Variants in RIMS2 observed in about 807,000 individuals in gnomAD.
The protein encoded by RIMS2 is regulating synaptic membrane exocytosis 2, also known as regulating synaptic membrane exocytosis protein 2.
Under a neutral mutation model 174.4 loss-of-function variants are expected in RIMS2, and 59 were observed. The observed-to-expected ratio is 0.34, with a 90% confidence interval of 0.27 to 0.42. The LOEUF is 0.42. RIMS2 is among the 10% of genes least tolerant of loss of function. The probability of loss-of-function intolerance (pLI) is 1.00; values close to 1 mark genes in which losing one functional copy is unlikely to be tolerated. For synonymous variants in RIMS2, 606 were observed against 572.5 expected (o/e 1.06, Z -0.84); for missense variants, 1,620 against 1,666.3 (o/e 0.97, Z 0.48).
chr8:103,831,657 G>A lies in RIMS2; in HGVS notation c.699-53641G>A, dbSNP rs540957955. On this transcript the variant is annotated intron_variant, in intron 3 of 23. Coordinates refer to ENST00000504942, the Ensembl canonical transcript of RIMS2. ...TTAATAGTATTAACTACCATTTTGGGGGCATCTATTCTGGGCTTTGTCCTT... is the reference window on the plus strand; with the variant it reads ...TTAATAGTATTAACTACCATTTTGGAGGCATCTATTCTGGGCTTTGTCCTT... Among the ~76,000 whole-genome samples the A allele has an allele frequency of 5.9e-5, 9 of 152,144 alleles. No homozygotes were observed. The South Asian group carries it at 1.0e-3, about 18-fold the overall frequency.
At chr8:103,533,661 C>CAAAA (rs34355378) in intron 1 of RIMS2, among the ~76,000 whole-genome samples, 12 of 65,930 alleles carry the variant, frequency 1.8e-4, no homozygotes, top group Middle Eastern at 8.5e-3. Flanking sequence ...GACCCTGTCT[C>CAAAA]AAAAAAAAAA....
At chr8:103,711,753 T>C (rs953064738) in intron 2 of RIMS2, among the ~76,000 whole-genome samples, 3 of 152,008 alleles carry the variant, frequency 2.0e-5, no homozygotes, top group East Asian at 1.9e-4. Flanking sequence ...AAAAATTAGC[T>C]AGGCGTGGTG....
intron 1 of RIMS2, among the ~76,000 whole-genome samples, chr8:103,585,678 T>C (rs532464761): frequency 6.7e-6 from 1 of 149,984 alleles, no homozygotes. Flanking sequence ...AGTTGAACAA[T>C]GAAAATGCAT....
chr8:104,014,850 G>A (rs945099944), intron 19 of RIMS2, among the ~76,000 whole-genome samples: 9 of 152,020 alleles, frequency 5.9e-5, no homozygotes, highest in African/African-American at 1.9e-4. Flanking sequence ...TTGAATAAAT[G>A]CATCTTAAAA....
intron 19 of RIMS2, among the ~76,000 whole-genome samples, chr8:104,169,003 G>A (rs186234625): frequency 5.7e-4 from 86 of 151,942 alleles, no homozygotes; most frequent in African/African-American, 2.0e-3. Flanking sequence ...AAACCCACTC[G>A]ATCGTAGTGT....
At chr8:104,100,858 A>AC (rs2097861801) in intron 19 of RIMS2, among the ~76,000 whole-genome samples, 2 of 140,610 alleles carry the variant, frequency 1.4e-5, no homozygotes, top group South Asian at 2.1e-4. Flanking sequence ...TTATATATGT[A>AC]ATATATATTA....
chr8:104,004,511 AG>A (rs75762272), intron 17 of RIMS2, among the ~76,000 whole-genome samples: 26,473 of 152,028 alleles, frequency 0.17, 2,910 homozygotes, highest in Non-Finnish European at 0.25. Context: ...AAGGATGGTG[AG>A]GGGGGAAAAA....
At chr8:103,755,587 T>G (rs1564521645) in intron 2 of RIMS2, among the ~76,000 whole-genome samples, 1 of 152,212 alleles carries the variant, frequency 6.6e-6, no homozygotes, top group South Asian at 2.1e-4. Context: ...AGATTTGGTC[T>G]TTTCACATTG....
intron 1 of RIMS2, among the ~76,000 whole-genome samples, chr8:103,626,085 A>G (rs1046603379): frequency 3.3e-5 from 5 of 152,090 alleles, no homozygotes; most frequent in African/African-American, 7.2e-5. Flanking sequence ...GTGAATTATA[A>G]ATTTCTTTAT....
chr8:103,756,245 T>C (rs765666983), intron 2 of RIMS2, among the ~76,000 whole-genome samples: 1 of 152,116 alleles, frequency 6.6e-6, no homozygotes, highest in Non-Finnish European at 1.5e-5. Context: ...TTTGCCTGGG[T>C]ATCACCAGCA....
intron 17 of RIMS2, among the ~76,000 whole-genome samples, chr8:104,011,123 C>G (rs918575163): frequency 2.6e-5 from 4 of 152,076 alleles, no homozygotes; most frequent in African/African-American, 7.2e-5. Context: ...TTAGGCATTG[C>G]TGCTTTAAAT....
Position 103,831,466 on chromosome 8 carries a change from A to C in RIMS2, c.699-53832A>C, listed in dbSNP as rs569529308. 2.0e-5 allele frequency among the ~76,000 whole-genome samples: 3 copies of C among 152,290 alleles called. No homozygotes were observed. The South Asian group carries it at 6.2e-4, about 32-fold the overall frequency. ...GTGGTCCTTTCTACTTGTGTAACTG[A>C]ATAGTCCAAGCCAGACGCTAGGCTT... is the stretch of plus-strand genomic sequence containing the variant. On this transcript the variant is annotated intron_variant, in intron 3 of 23. Coordinates refer to ENST00000504942, the Ensembl canonical transcript of RIMS2.
At chr8:104,010,334 A>T (rs1410822704) in intron 17 of RIMS2, among the ~76,000 whole-genome samples, 1 of 152,194 alleles carries the variant, frequency 6.6e-6, no homozygotes, top group African/African-American at 2.4e-5. Flanking sequence ...ACTGAAAATA[A>T]ATACTGAACA....
chr8:104,204,705 A>G (rs1727535506), intron 19 of RIMS2, among the ~76,000 whole-genome samples: 1 of 152,202 alleles, frequency 6.6e-6, no homozygotes, highest in African/African-American at 2.4e-5. Context: ...GAGGAAAGAG[A>G]GAAGCTATGA....
At chr8:103,601,285 T>C (rs1046633681) in intron 1 of RIMS2, among the ~76,000 whole-genome samples, 2 of 152,194 alleles carry the variant, frequency 1.3e-5, no homozygotes, top group Non-Finnish European at 2.9e-5. Context: ...CTCCAGCTAT[T>C]ATTTTATTTG....
intron 19 of RIMS2, among the ~76,000 whole-genome samples, chr8:104,138,888 T>C (rs896084748): frequency 1.3e-5 from 2 of 152,212 alleles, no homozygotes; most frequent in Admixed American, 1.3e-4. Context: ...TTTAGTAGTT[T>C]CATAATTTGA....
At chr8:103,922,685 C>A in intron 10 of RIMS2, 3 of 366,274 alleles carry the variant, frequency 8.2e-6, no homozygotes, top group Non-Finnish European at 1.1e-5. Context: ...TATTTTAAGC[C>A]CAAAAAAGAT....
At position 103,819,472 on chromosome 8, in the gene RIMS2, G is replaced by A. The variant is rs554123150; in HGVS notation, c.698+52935G>A. 7.5e-6 allele frequency: 12 copies of A among 1,608,066 alleles called. No individual in the cohort carries two copies. In the South Asian group the frequency reaches 1.2e-4, roughly 16 times the overall value. The stretch of plus-strand genomic sequence containing the variant: ...AGATGATTTTAAAGACAGGTGGTAG[G>A]GAAAAATAAGAGAAGGGGAAAAAAA... On this transcript the variant is annotated intron_variant, in intron 3 of 23. Coordinates refer to ENST00000504942, the Ensembl canonical transcript of RIMS2.
intron 1 of RIMS2, among the ~76,000 whole-genome samples, chr8:103,579,863 G>A (rs950475345): frequency 1.3e-5 from 2 of 152,190 alleles, no homozygotes; most frequent in Non-Finnish European, 2.9e-5. Context: ...TGGTGGGATG[G>A]CAAAGGGGAA....
Sources: gnomAD v4.1 joint callset for allele counts (sites outside exome capture counted in the v4.1 genomes callset) on GRCh38, gnomAD v4.1.1 for gene constraint, MANE v1.5 for transcripts, NCBI Gene and HGNC (gene_info 2026-07-23, HGNC 2026-07-21) for gene names.